DDAH1: variants seen among roughly 807,000 people sequenced by gnomAD.
DDAH1 encodes the protein N(G),N(G)-dimethylarginine dimethylaminohydrolase 1.
In DDAH1, 19 loss-of-function variants were observed where a neutral mutation model predicts 28.8. The ratio of observed to expected loss-of-function variants is 0.66; its 90% CI spans 0.46 to 0.97. DDAH1 has a LOEUF of 0.97. DDAH1 is among the 50% of genes least tolerant of loss of function. The probability of loss-of-function intolerance (pLI) is 0.00; values close to 1 mark genes in which losing one functional copy is unlikely to be tolerated. For missense variants in DDAH1, 326 were observed against 375.9 expected, an observed-to-expected ratio of 0.87 and a Z score of 1.10; for synonymous variants, 153 against 154.4, an observed-to-expected ratio of 0.99 and a Z score of 0.07.
chr1:85,333,135 T>G (rs1043425351), intron 4 of DDAH1, among the ~76,000 whole-genome samples: 1 of 152,222 alleles, frequency 6.6e-6, no homozygotes, highest in African/African-American at 2.4e-5. Flanking sequence ...CTGGCCCACC[T>G]GGCGTCCTAT....
At chr1:85,364,780 G>A (rs1319696551) in intron 1 of DDAH1, among the ~76,000 whole-genome samples, 2 of 152,044 alleles carry the variant, frequency 1.3e-5, no homozygotes, top group Non-Finnish European at 2.9e-5. Flanking sequence ...CTGACCTTAG[G>A]TGTTCCGCCT....
upstream of DDAH1, among the ~76,000 whole-genome samples, chr1:85,469,709 C>A (rs1655552928): frequency 1.3e-5 from 2 of 152,056 alleles, no homozygotes; most frequent in East Asian, 1.9e-4. Flanking sequence ...GTTGACAGAC[C>A]AAATCTCACC....
At chr1:85,539,339 G>T (rs1262634465) in intron 1 of DDAH1, among the ~76,000 whole-genome samples, 1 of 152,084 alleles carries the variant, frequency 6.6e-6, no homozygotes. Context: ...TAGAGATGGG[G>T]TCTCACCATG....
intron 2 of DDAH1, among the ~76,000 whole-genome samples, chr1:85,355,104 T>C (rs900855572): frequency 1.3e-5 from 2 of 152,126 alleles, no homozygotes; most frequent in African/African-American, 4.8e-5. Flanking sequence ...CTTAAACAGA[T>C]ATTAGGAAAT....
chr1:85,393,745 A>G (rs1302519684), intron 1 of DDAH1, among the ~76,000 whole-genome samples: 2 of 152,228 alleles, frequency 1.3e-5, no homozygotes, highest in Non-Finnish European at 2.9e-5. Context: ...AATGGTGTTT[A>G]GATCTCAGTT....
At chr1:85,493,030 C>T (rs1656459397) in intron 2 of DDAH1, among the ~76,000 whole-genome samples, 1 of 151,744 alleles carries the variant, frequency 6.6e-6, no homozygotes, top group African/African-American at 2.4e-5. Flanking sequence ...TTCATGGGCC[C>T]CTTCCTTCAT....
intron 1 of DDAH1, among the ~76,000 whole-genome samples, chr1:85,533,607 A>G (rs1658166568): frequency 6.6e-6 from 1 of 152,192 alleles, no homozygotes. Flanking sequence ...GAACTTGAGA[A>G]TTTGCACCTA....
rs7519140 is a variant in DDAH1, at chr1:85,511,330, C to T, written c.-122-15049G>A. ...GAACAAAGACACAATGTACCAGAGTCTCTGGGACACATTTAAAGCAGTGTG... is the reference window on the plus strand; with the variant it reads ...GAACAAAGACACAATGTACCAGAGTTTCTGGGACACATTTAAAGCAGTGTG... On this transcript the variant is annotated intron_variant, in intron 1 of 6. Coordinates refer to the DDAH1 transcript ENST00000426972. Among the ~76,000 whole-genome samples the T allele has an allele frequency of 1.2e-3, 185 of 152,292 alleles. 2 individuals carry two copies. Among genetic ancestry groups the T allele is most frequent in the African/African-American group, 4.2e-3 (176 of 41,558 alleles).
intron 1 of DDAH1, among the ~76,000 whole-genome samples, chr1:85,527,900 T>C (rs1371196939): frequency 6.6e-6 from 1 of 152,188 alleles, no homozygotes; most frequent in Non-Finnish European, 1.5e-5. Context: ...GGTAGATGTC[T>C]GTATGCATGT....
intron 2 of DDAH1, among the ~76,000 whole-genome samples, chr1:85,354,355 T>A (rs1649378960): frequency 1.3e-5 from 2 of 152,158 alleles, no homozygotes; most frequent in African/African-American, 2.4e-5. Context: ...TATATTTTTT[T>A]AATAGGACTA....
intron 2 of DDAH1, among the ~76,000 whole-genome samples, chr1:85,490,687 G>A (rs1196253092): frequency 6.6e-6 from 1 of 152,210 alleles, no homozygotes; most frequent in Non-Finnish European, 1.5e-5. Flanking sequence ...CCAGCCTCTA[G>A]ACACTCTCTT....
At chr1:85,482,593 C>A (rs1656046964) in intron 2 of DDAH1, 1 of 152,190 alleles carries the variant, frequency 6.6e-6, no homozygotes, top group Admixed American at 6.5e-5. Flanking sequence ...ACTTCCATCC[C>A]AGACCCAATA....
At chr1:85,454,990 T>G (rs1361534729) in intron 1 of DDAH1, among the ~76,000 whole-genome samples, 1 of 152,174 alleles carries the variant, frequency 6.6e-6, no homozygotes, top group Non-Finnish European at 1.5e-5. Flanking sequence ...AACTGTGTAT[T>G]TTTCAGAGAA....
intron 1 of DDAH1, among the ~76,000 whole-genome samples, chr1:85,449,997 G>T (rs1654597773): frequency 6.6e-6 from 1 of 152,072 alleles, no homozygotes; most frequent in South Asian, 2.1e-4. Flanking sequence ...CAACAGCATG[G>T]GTAATCCACT....
intron 1 of DDAH1, among the ~76,000 whole-genome samples, chr1:85,392,329 C>T (rs1241191374): frequency 1.3e-5 from 2 of 152,136 alleles, no homozygotes; most frequent in African/African-American, 4.8e-5. Context: ...CACAGTTATA[C>T]TGAATTAGGG....
At position 85,476,016 on chromosome 1, in the gene DDAH1, T is replaced by C. The variant is rs536166051; in HGVS notation, c.-7+20150A>G. Among the ~76,000 whole-genome samples, 85 of 152,042 alleles carry C rather than the reference T, an allele frequency of 5.6e-4. 1 individual carries two copies. In the Middle Eastern group the frequency reaches 0.01, roughly 18 times the overall value. On this transcript the variant is annotated intron_variant, in intron 2 of 6. Coordinates refer to the DDAH1 transcript ENST00000426972. ...AGAGGTGCACGCCACCACACCCGGG[T>C]AATTTTTGGTTTTGTTTTTGTGTTT...
chr1:85,492,686 A>C (rs1290529158), intron 2 of DDAH1, among the ~76,000 whole-genome samples: 1 of 152,194 alleles, frequency 6.6e-6, no homozygotes, highest in Non-Finnish European at 1.5e-5. Context: ...ACAAACATAT[A>C]TACTTACACT....
chr1:85,485,716 A>G (rs981968565), intron 2 of DDAH1, among the ~76,000 whole-genome samples: 1 of 152,206 alleles, frequency 6.6e-6, no homozygotes, highest in African/African-American at 2.4e-5. Flanking sequence ...CATTATATCA[A>G]TGGACGCATT....
intron 2 of DDAH1, among the ~76,000 whole-genome samples, chr1:85,475,735 T>G (rs1655776375): frequency 6.6e-6 from 1 of 152,110 alleles, no homozygotes; most frequent in Non-Finnish European, 1.5e-5. Flanking sequence ...ATGGTTGGGG[T>G]GGAGTGGGAG....
Sources: gnomAD v4.1 joint callset for allele counts (sites outside exome capture counted in the v4.1 genomes callset) on GRCh38, gnomAD v4.1.1 for gene constraint, MANE v1.5 for transcripts, NCBI Gene and HGNC (gene_info 2026-07-23, HGNC 2026-07-21) for gene names.